Variants in UTP4 observed in about 807,000 individuals in gnomAD.
The protein encoded by UTP4 is UTP4 small subunit processome component, also known as U3 small nucleolar RNA-associated protein 4 homolog.
UTP4 carries 45 observed loss-of-function variants against 82.4 expected under a neutral mutation model. The ratio of observed to expected loss-of-function variants is 0.55; its 90% CI spans 0.43 to 0.70. UTP4 has a LOEUF of 0.70. Ranked by LOEUF, UTP4 falls within the 30% of genes least tolerant of loss-of-function variation. The pLI, the probability that UTP4 is intolerant of heterozygous loss-of-function variation, is 0.00. For missense variants in UTP4, 819 were observed against 858.3 expected, an observed-to-expected ratio of 0.95 and a Z score of 0.57; for synonymous variants, 348 against 300.3, an observed-to-expected ratio of 1.16 and a Z score of -1.64.
chr16:69,135,871 C>CA (rs903355481), intron 2 of UTP4, among the ~76,000 whole-genome samples: 14 of 150,910 alleles, frequency 9.3e-5, no homozygotes, highest in Middle Eastern at 3.4e-3. Context: ...ACTAAAAATA[C>CA]AAAAAAAAAT....
chr16:69,165,675 G>A, intron 15 of UTP4, 149 bp downstream of exon 15: 2 of 748,096 alleles, frequency 2.7e-6, no homozygotes, highest in Non-Finnish European at 4.6e-6. Flanking sequence ...TTGGAGGAGA[G>A]GGGCTTTTGT....
chr16:69,135,580 G>T (rs1962789506), intron 2 of UTP4, among the ~76,000 whole-genome samples: 1 of 152,112 alleles, frequency 6.6e-6, no homozygotes, highest in South Asian at 2.1e-4. Context: ...GATAGGTGTG[G>T]TGTTGTATGC....
At chr16:69,133,150 C>T (rs1962688884) in intron 1 of UTP4, 1 of 387,314 alleles carries the variant, frequency 2.6e-6, no homozygotes, top group Admixed American at 3.9e-5. Flanking sequence ...GCAAACTTAG[C>T]AATAGAGTTG....
At position 69,163,164 on chromosome 16, in the gene UTP4, C is replaced by T; in HGVS notation, c.1633C>T (p.His545Tyr). 4.3e-6 allele frequency: 7 copies of T among 1,613,042 alleles called. No individual in the cohort carries two copies. Among genetic ancestry groups the T allele is most frequent in the Non-Finnish European group, 5.9e-6 (7 of 1,178,986 alleles). ...APNTNNLVIA[H>Y]SDQQVFEYSI... is the part of the protein sequence containing the mutation. ...CAATACCAACAACCTTGTCATCGCT[C>T]ATTCGGACCAGCAGGTAAGGGAGAT... The change falls in exon 14 of 17, where the codon CAT becomes TAT. Residue 545 changes from histidine to tyrosine, a missense_variant. His to Tyr is a moderately conservative substitution (Grantham distance 83). Coordinates refer to ENST00000314423, the MANE Select transcript of UTP4 (RefSeq NM_032830.3).
intron 14 of UTP4, among the ~76,000 whole-genome samples, chr16:69,163,826 G>GAAGC (rs1285034524): frequency 6.6e-6 from 1 of 151,508 alleles, no homozygotes; most frequent in African/African-American, 2.4e-5. Context: ...TGTAATCCAG[G>GAAGC]AAGCACATTT....
In UTP4 at chr16:69,133,454, C is replaced by G. The variant is rs775927023; in HGVS notation, c.-2-4C>G. 1 of 1,614,018 alleles carries G rather than the reference C, an allele frequency of 6.2e-7. No individual in the cohort carries two copies. Among genetic ancestry groups the G allele is most frequent in the Admixed American group, 1.7e-5 (1 of 60,010 alleles). The stretch of plus-strand genomic sequence containing the variant: ...GCAATAATGACTCTCTTTTCGCCCC[C>G]TAGGAATGGGTGAATTTAAGGTCCA... On this transcript the variant is annotated splice_region_variant and splice_polypyrimidine_tract_variant and intron_variant, in intron 1 of 16. Coordinates refer to ENST00000314423, the MANE Select transcript of UTP4 (RefSeq NM_032830.3).
chr16:69,137,796 A>G lies in UTP4; in HGVS notation c.352-5A>G. On this transcript the variant is annotated splice_polypyrimidine_tract_variant and splice_region_variant and intron_variant, in intron 3 of 16. Transcript: ENST00000314423. ...TTTTCTGTTTACTACCTCTTTCTCA[A>G]ATAGGTTGGTTGTGAAGATGGATCT... 6.3e-7 allele frequency: 1 copy of G among 1,586,250 alleles called. No homozygotes were observed. The highest frequency in any genetic ancestry group is 8.7e-7 in the Non-Finnish European group (1 of 1,154,766).
At chr16:69,164,937 T>C (rs1209332776) in intron 14 of UTP4, among the ~76,000 whole-genome samples, 2 of 152,154 alleles carry the variant, frequency 1.3e-5, no homozygotes, top group African/African-American at 4.8e-5. Flanking sequence ...GGCTCACGCC[T>C]GTAATCCCAG....
rs199630220 is a variant in UTP4 at position 69,143,190 on chromosome 16, A to G, written c.539A>G (p.His180Arg). 3.7e-6 allele frequency: 6 copies of G among 1,614,250 alleles called. No homozygotes were observed. The highest frequency in any genetic ancestry group is 5.1e-6 in the Non-Finnish European group (6 of 1,180,038). The change falls in exon 6 of 17, where the codon CAT becomes CGT. Residue 180 changes from histidine to arginine, a missense_variant. Coordinates refer to ENST00000314423, the MANE Select transcript of UTP4 (RefSeq NM_032830.3). ...TCTGATTTTTCAGGCAGCGCTGTTCATAAGATGATTGTGGACAGGCAGTAT... is the reference window on the plus strand; with the variant it reads ...TCTGATTTTTCAGGCAGCGCTGTTCGTAAGATGATTGTGGACAGGCAGTAT... ...VFDVKSGSAV[H>R]KMIVDRQYMG... is the part of the protein sequence containing the mutation.
chr16:69,165,779 ATT>A (rs1437501169), intron 15 of UTP4: 1 of 590,606 alleles, frequency 1.7e-6, no homozygotes, highest in Non-Finnish European at 3.0e-6. Flanking sequence ...TGATTTGACT[ATT>A]TGTCTACTTT....
rs537494997 is a variant in UTP4, at chr16:69,140,863, A to G, written c.526+949A>G. Among the ~76,000 whole-genome samples, 8 of 152,270 alleles carry G rather than the reference A, an allele frequency of 5.3e-5. No individual in the cohort carries two copies. In the South Asian group the frequency reaches 1.5e-3, roughly 28 times the overall value. Reference sequence around the variant, plus strand: ...AGACCATTTTTTACTGACTTCTGCAACTTGCCCCTCTTTTTCTACCGTCTG... The same window carrying G: ...AGACCATTTTTTACTGACTTCTGCAGCTTGCCCCTCTTTTTCTACCGTCTG... On this transcript the variant is annotated intron_variant, in intron 5 of 16. Coordinates refer to ENST00000314423, the MANE Select transcript of UTP4 (RefSeq NM_032830.3).
intron 14 of UTP4, among the ~76,000 whole-genome samples, chr16:69,164,586 T>TTATATATATATATATATATATA (rs58927210): frequency 3.0e-4 from 40 of 132,504 alleles, no homozygotes; most frequent in African/African-American, 1.1e-3. Context: ...TAATCATTCT[T>TTATATATATATATATATATATA]TATATATATA....
At chr16:69,157,759 T>A (rs1963458381) in intron 12 of UTP4, among the ~76,000 whole-genome samples, 1 of 151,858 alleles carries the variant, frequency 6.6e-6, no homozygotes, top group African/African-American at 2.4e-5. Context: ...TATGCCCAGC[T>A]AATTTTTTCA....
chr16:69,155,889 T>C lies in UTP4; in HGVS notation c.1183T>C (p.Cys395Arg), dbSNP rs138998503. The part of the protein sequence containing the change: ...LKTKGPENII[C>R]SCISPCGSWI... The stretch of plus-strand genomic sequence containing the variant: ...TTGCCAGGGTCCTGAGAACATTATC[T>C]GTAGCTGTATCTCCCCATGTGGAAG... Residue 395 changes from cysteine to arginine, a missense_variant, in exon 11 of 17, where the codon TGT becomes CGT. Physicochemically the swap from Cys to Arg is radical, Grantham distance 180 (BLOSUM62 -3). Transcript: ENST00000314423. 1.4e-3 allele frequency: 2,251 copies of C among 1,614,136 alleles called. 2 individuals are homozygous for C. The highest frequency in any genetic ancestry group is 1.6e-3 in the Non-Finnish European group (1,935 of 1,179,966).
chr16:69,140,497 C>G (rs925391911), intron 5 of UTP4, among the ~76,000 whole-genome samples: 2 of 152,104 alleles, frequency 1.3e-5, no homozygotes, highest in African/African-American at 4.8e-5. Context: ...GGGTGGATCA[C>G]CTGAGGTCGG....
intron 9 of UTP4, among the ~76,000 whole-genome samples, chr16:69,154,014 T>C (rs1963345490): frequency 1.3e-5 from 2 of 152,158 alleles, no homozygotes; most frequent in South Asian, 2.1e-4. Flanking sequence ...TGGGTAATGA[T>C]AATCCTGTAG....
chr16:69,153,481 A>G (rs1393688712), intron 8 of UTP4, 103 bp from the exon 9 acceptor site: 1 of 790,570 alleles, frequency 1.3e-6, no homozygotes, highest in African/African-American at 1.7e-5. Flanking sequence ...AAGGAAATGG[A>G]TTTCAGCAGT....
intron 15 of UTP4, 195 bp from the exon 16 acceptor site, chr16:69,166,879 CT>C (rs1031756158): frequency 6.4e-5 from 38 of 589,488 alleles, no homozygotes; most frequent in East Asian, 1.1e-4. Context: ...TCCTTTTCTT[CT>C]TTTTTTCCCC....
chr16:69,142,999 CA>C (rs2152278000), intron 5 of UTP4, among the ~76,000 whole-genome samples, 178 bp from the exon 6 acceptor site: 1 of 152,274 alleles, frequency 6.6e-6, no homozygotes, highest in East Asian at 1.9e-4. Context: ...GCTCACCTAC[CA>C]TATCATGCTT....
Sources: gnomAD v4.1 joint callset for allele counts (sites outside exome capture counted in the v4.1 genomes callset) on GRCh38, gnomAD v4.1.1 for gene constraint, MANE v1.5 for transcripts, NCBI Gene and HGNC (gene_info 2026-07-23, HGNC 2026-07-21) for gene names.